The following SEMA3A variants were observed in gnomAD, a reference collection of about 807,000 sequenced individuals.
SEMA3A encodes the protein semaphorin 3A.
Under a neutral mutation model 97.9 loss-of-function variants are expected in SEMA3A, and 29 were observed. The ratio of observed to expected loss-of-function variants is 0.30; its 90% CI spans 0.22 to 0.40. SEMA3A has a LOEUF of 0.40. Ranked by LOEUF, SEMA3A falls within the 10% of genes least tolerant of loss-of-function variation. The pLI is 1.00. For synonymous variants in SEMA3A, 321 were observed against 323.7 expected (o/e 0.99, Z 0.09); for missense variants, 763 against 951.3 (o/e 0.80, Z 2.60).
At chr7:84,143,620 C>A (rs954588530) in intron 1 of SEMA3A, among the ~76,000 whole-genome samples, 1 of 142,072 alleles carries the variant, frequency 7.0e-6, no homozygotes, top group East Asian at 2.1e-4. Context: ...CTTTTGGAGG[C>A]CAAGGTAGGA....
At chr7:84,407,004 C>G (rs991241097) in intron 1 of SEMA3A, among the ~76,000 whole-genome samples, 4 of 152,078 alleles carry the variant, frequency 2.6e-5, no homozygotes, top group African/African-American at 7.3e-5. Context: ...ACAGGGATGC[C>G]CTCTCTCACC....
intron 1 of SEMA3A, among the ~76,000 whole-genome samples, chr7:84,438,241 G>T (rs555178950): frequency 2.6e-5 from 4 of 152,128 alleles, no homozygotes; most frequent in African/African-American, 9.6e-5. Context: ...TACTCAAGAA[G>T]TTTACAGTGC....
intron 2 of SEMA3A, among the ~76,000 whole-genome samples, chr7:84,313,188 T>TCATTGATA (rs1413329296): frequency 6.9e-6 from 1 of 145,706 alleles, no homozygotes; most frequent in Non-Finnish European, 1.5e-5. Flanking sequence ...CTTAAAGCTG[T>TCATTGATA]CATTGATATT....
chr7:84,087,129 C>T lies in SEMA3A; in HGVS notation c.453+23341G>A, dbSNP rs1411794574. Among the ~76,000 whole-genome samples, 4 of 151,962 alleles carry T rather than the reference C, an allele frequency of 2.6e-5. No individual in the cohort carries two copies. In the East Asian group the frequency reaches 5.8e-4, roughly 22 times the overall value. ...GTATTATTCCTAATGAAAATATTTA[C>T]GTTGTTGCATCCATTTATACAAATT... On this transcript the variant is annotated intron_variant, in intron 4 of 16. Coordinates refer to ENST00000265362, the MANE Select transcript of SEMA3A (RefSeq NM_006080.3).
At chr7:84,432,316 T>C (rs1010649451) in intron 1 of SEMA3A, among the ~76,000 whole-genome samples, 6 of 152,006 alleles carry the variant, frequency 3.9e-5, no homozygotes, top group Non-Finnish European at 7.4e-5. Context: ...AATCATTTAG[T>C]TTTTTTTCTG....
At position 84,429,241 on chromosome 7, in the gene SEMA3A, A is replaced by G. The variant is rs549132549; in HGVS notation, c.-245-57341T>C. 2.6e-5 allele frequency among the ~76,000 whole-genome samples: 4 copies of G among 151,828 alleles called. No homozygotes were observed. The East Asian group carries it at 5.8e-4, about 22-fold the overall frequency. ...TTTTACCTACTAATATATCTGCTTG[A>G]TACTACAAAACATTTCTGTGCTTTT... On this transcript the variant is annotated intron_variant, in intron 1 of 3. Transcript: ENST00000424555.
At chr7:84,200,132 CT>C (rs1337844865), upstream of SEMA3A, among the ~76,000 whole-genome samples, 1 of 151,844 alleles carries the variant, frequency 6.6e-6, no homozygotes, top group Non-Finnish European at 1.5e-5. Flanking sequence ...CTTCCTTCCC[CT>C]GGACTGAATT....
intron 1 of SEMA3A, among the ~76,000 whole-genome samples, chr7:84,144,996 A>G (rs1281038148): frequency 2.6e-5 from 4 of 152,148 alleles, no homozygotes; most frequent in Admixed American, 6.5e-5. Flanking sequence ...TTACCCCTAA[A>G]TACAGCAATA....
chr7:84,146,314 T>C (rs918538344), intron 1 of SEMA3A, among the ~76,000 whole-genome samples: 2 of 152,196 alleles, frequency 1.3e-5, no homozygotes, highest in Non-Finnish European at 2.9e-5. Context: ...GTCTGAAGTC[T>C]GACTACTTGC....
chr7:84,031,056 C>T (rs1791732155), intron 6 of SEMA3A, among the ~76,000 whole-genome samples: 1 of 140,674 alleles, frequency 7.1e-6, no homozygotes, highest in Non-Finnish European at 1.5e-5. Context: ...GCAGTGGTGC[C>T]ATCTCAGCTC....
intron 3 of SEMA3A, among the ~76,000 whole-genome samples, chr7:84,118,334 G>A (rs904337077): frequency 6.6e-6 from 1 of 152,194 alleles, no homozygotes; most frequent in Non-Finnish European, 1.5e-5. Context: ...GCGTGTGTTA[G>A]TCAATAGCTG....
chr7:84,051,283 C>A (rs1455361966), intron 5 of SEMA3A, among the ~76,000 whole-genome samples: 1 of 152,098 alleles, frequency 6.6e-6, no homozygotes, highest in Non-Finnish European at 1.5e-5. Flanking sequence ...GGCATTGAAT[C>A]TATAAATTAC....
upstream of SEMA3A, among the ~76,000 whole-genome samples, chr7:84,199,244 A>G (rs1416994763): frequency 6.6e-6 from 1 of 152,174 alleles, no homozygotes; most frequent in Non-Finnish European, 1.5e-5. Context: ...TCAAAGATTT[A>G]GTGGACAAAA....
intron 1 of SEMA3A, among the ~76,000 whole-genome samples, chr7:84,461,417 A>G (rs1465949630): frequency 6.6e-6 from 1 of 151,798 alleles, no homozygotes; most frequent in Non-Finnish European, 1.5e-5. Flanking sequence ...TTGGTGGGTA[A>G]TTTTCCATCA....
chr7:84,008,976 C>T (rs1464768385), intron 9 of SEMA3A, among the ~76,000 whole-genome samples: 1 of 152,044 alleles, frequency 6.6e-6, no homozygotes, highest in East Asian at 1.9e-4. Flanking sequence ...CATCGAAATA[C>T]TTAAGGAGTA....
At chr7:84,374,038 G>T (rs2116111481) in intron 1 of SEMA3A, among the ~76,000 whole-genome samples, 1 of 152,268 alleles carries the variant, frequency 6.6e-6, no homozygotes, top group African/African-American at 2.4e-5. Flanking sequence ...GGTCAACAAG[G>T]CCTGGTCATG....
chr7:84,114,192 A>C (rs1562790765), intron 3 of SEMA3A, among the ~76,000 whole-genome samples: 1 of 152,324 alleles, frequency 6.6e-6, no homozygotes, highest in Admixed American at 6.5e-5. Context: ...TCCGATAATT[A>C]TACTTTCTAC....
chr7:84,456,838 C>T (rs955236107), intron 1 of SEMA3A, among the ~76,000 whole-genome samples: 1 of 151,324 alleles, frequency 6.6e-6, no homozygotes, highest in African/African-American at 2.4e-5. Flanking sequence ...TTAAAAAGAC[C>T]CTTTTAACCT....
intron 6 of SEMA3A, among the ~76,000 whole-genome samples, chr7:84,031,016 C>T (rs1231087352): frequency 3.4e-4 from 35 of 103,158 alleles, no homozygotes; most frequent in East Asian, 6.6e-4. Flanking sequence ...TTTTTTGAGA[C>T]GGAGTCTTGC....
Sources: allele counts gnomAD v4.1 joint callset (sites outside exome capture counted in the v4.1 genomes callset), GRCh38; gene constraint gnomAD v4.1.1; transcripts MANE v1.5; gene names NCBI Gene and HGNC (gene_info 2026-07-23, HGNC 2026-07-21).